The following RORA variants were observed in gnomAD, a reference collection of about 807,000 sequenced individuals.
RORA encodes RAR related orphan receptor A.
In RORA, 7 loss-of-function variants were observed where a neutral mutation model predicts 69.5. The observed-to-expected ratio is 0.10, with a 90% CI of 0.06 to 0.19. The LOEUF is 0.19. Among genes scored for constraint, RORA ranks in the 10% least tolerant of loss-of-function variants. The probability of loss-of-function intolerance (pLI) is 1.00; values close to 1 mark genes in which losing one functional copy is unlikely to be tolerated. For synonymous variants in RORA, 261 were observed against 240.8 expected (o/e 1.08, Z -0.78); for missense variants, 457 against 663.0 (o/e 0.69, Z 3.41).
At chr15:60,956,178 C>G (rs1317270599) in intron 1 of RORA, among the ~76,000 whole-genome samples, 2 of 151,986 alleles carry the variant, frequency 1.3e-5, no homozygotes. Flanking sequence ...TCATGCTTTG[C>G]CCACAGTATG....
intron 2 of RORA, 78 bp downstream of exon 2, chr15:60,678,579 G>T: frequency 9.3e-7 from 1 of 1,079,956 alleles, no homozygotes. Flanking sequence ...GTATATACTT[G>T]AAGGGTCACA....
At chr15:60,895,612 C>T (rs1891212589) in intron 1 of RORA, among the ~76,000 whole-genome samples, 1 of 152,178 alleles carries the variant, frequency 6.6e-6, no homozygotes, top group African/African-American at 2.4e-5. Flanking sequence ...AAAGTATTTC[C>T]TTAGGCTGAG....
At chr15:60,732,641 C>T (rs1325953689) in intron 1 of RORA, among the ~76,000 whole-genome samples, 1 of 145,000 alleles carries the variant, frequency 6.9e-6, no homozygotes, top group Non-Finnish European at 1.5e-5. Context: ...CATTCTCATT[C>T]TCTCTCTCTC....
intron 1 of RORA, among the ~76,000 whole-genome samples, chr15:61,216,360 T>C (rs1010794700): frequency 1.3e-5 from 2 of 152,234 alleles, no homozygotes; most frequent in African/African-American, 4.8e-5. Flanking sequence ...GCGAGTCTTT[T>C]AGAGTATTGC....
chr15:60,528,465 A>G (rs2066430050), intron 3 of RORA: 1 of 152,222 alleles, frequency 6.6e-6, no homozygotes, highest in South Asian at 2.1e-4. Context: ...CTCTACAACT[A>G]GACCATAAAC....
intron 2 of RORA, chr15:60,627,532 G>C: frequency 7.1e-7 from 1 of 1,416,482 alleles, no homozygotes; most frequent in Non-Finnish European, 9.2e-7. Flanking sequence ...CTGTGAATCT[G>C]CTGCCATGGG....
intron 1 of RORA, among the ~76,000 whole-genome samples, chr15:61,155,204 T>G (rs1488973721): frequency 6.6e-6 from 1 of 152,212 alleles, no homozygotes; most frequent in Non-Finnish European, 1.5e-5. Context: ...AACATCACAC[T>G]GTGTCCCGTA....
intron 10 of RORA, among the ~76,000 whole-genome samples, chr15:60,498,287 G>A (rs2065224106): frequency 6.6e-6 from 1 of 152,098 alleles, no homozygotes; most frequent in African/African-American, 2.4e-5. Context: ...CTACCACTGT[G>A]CAAAAAGATG....
rs1016683724 is a variant in RORA, at chr15:61,131,556, C to G, written c.166+97497G>C. ...GCCATCCACTGGAAAACTGGAGGAA[C>G]TGGGATCTAGTTACTCATGCTATAG... On this transcript the variant is annotated intron_variant, in intron 1 of 10. Transcript: ENST00000335670. This position sits in a 1 kb window ranked among gnomAD's most constrained non-coding sequence, Gnocchi z 4.2. Among the ~76,000 whole-genome samples the G allele has an allele frequency of 6.6e-6, 1 of 152,178 alleles. No individual in the cohort carries two copies. The highest frequency in any genetic ancestry group is 6.5e-5 in the Admixed American group (1 of 15,276).
intron 2 of RORA, among the ~76,000 whole-genome samples, chr15:60,624,527 AG>A (rs1363825388): frequency 6.3e-4 from 76 of 121,336 alleles, no homozygotes; most frequent in South Asian, 1.3e-3. Context: ...ATATATATAT[AG>A]TATATATATA....
intron 2 of RORA, among the ~76,000 whole-genome samples, chr15:60,541,829 C>T (rs2066881475): frequency 6.6e-6 from 1 of 152,130 alleles, no homozygotes; most frequent in Non-Finnish European, 1.5e-5. Flanking sequence ...GTAAGTCATG[C>T]ACTAGAGGCA....
chr15:60,821,786 C>T (rs934965522), intron 1 of RORA, among the ~76,000 whole-genome samples: 11 of 152,208 alleles, frequency 7.2e-5, no homozygotes, highest in African/African-American at 2.7e-4. Context: ...TCTATCCTCA[C>T]AATCACTCTA....
chr15:60,644,156 C>T (rs924516322), intron 2 of RORA, among the ~76,000 whole-genome samples: 1 of 152,148 alleles, frequency 6.6e-6, no homozygotes, highest in African/African-American at 2.4e-5. Context: ...ATTTCTTATA[C>T]AGGCAGCATG....
intron 1 of RORA, among the ~76,000 whole-genome samples, chr15:60,959,196 TG>T (rs1399838268): frequency 6.6e-6 from 1 of 152,244 alleles, no homozygotes; most frequent in Non-Finnish European, 1.5e-5. Context: ...CTTGCTTTTA[TG>T]TCTACTGGAC....
chr15:61,228,110 C>T (rs1488476492), intron 1 of RORA, among the ~76,000 whole-genome samples: 1 of 151,438 alleles, frequency 6.6e-6, no homozygotes, highest in African/African-American at 2.4e-5. Context: ...CTTGCACTAT[C>T]CAACCAGCAT....
At chr15:60,566,731 G>A (rs1222027102) in intron 2 of RORA, among the ~76,000 whole-genome samples, 4 of 152,226 alleles carry the variant, frequency 2.6e-5, no homozygotes, top group South Asian at 2.1e-4. Context: ...AATGAATATC[G>A]CACTTCCCTA....
chr15:60,885,399 T>C (rs2073739804), intron 1 of RORA, among the ~76,000 whole-genome samples: 1 of 152,222 alleles, frequency 6.6e-6, no homozygotes, highest in African/African-American at 2.4e-5. Context: ...GACCCTTCAA[T>C]GCAGCCTGGC....
intron 1 of RORA, among the ~76,000 whole-genome samples, chr15:61,050,297 C>T (rs1421673942): frequency 6.6e-6 from 1 of 152,190 alleles, no homozygotes; most frequent in Non-Finnish European, 1.5e-5. Context: ...CTCTTTGGCC[C>T]TTTACGGAAA....
chr15:61,017,333 GCTAA>G (rs915206281), intron 1 of RORA, among the ~76,000 whole-genome samples: 6 of 152,146 alleles, frequency 3.9e-5, no homozygotes, highest in African/African-American at 1.4e-4. Flanking sequence ...ATACAGCATG[GCTAA>G]CTTTTTTATG....
Sources: allele counts gnomAD v4.1 joint callset (sites outside exome capture counted in the v4.1 genomes callset), GRCh38; gene constraint gnomAD v4.1.1; non-coding constraint Gnocchi (gnomAD v3.1); transcripts MANE v1.5; gene names NCBI Gene and HGNC (gene_info 2026-07-23, HGNC 2026-07-21).